The following DCTN6 variants were observed in gnomAD, a reference collection of about 807,000 sequenced individuals.
DCTN6 encodes dynactin 6.
A neutral mutation model predicts 25.8 loss-of-function variants in DCTN6; 15 were observed. The ratio of observed to expected loss-of-function variants is 0.58; its 90% CI spans 0.39 to 0.89. The LOEUF is 0.89. Among genes scored for constraint, DCTN6 ranks in the 40% least tolerant of loss-of-function variants. The pLI is 0.00. For missense variants in DCTN6, 198 were observed against 237.6 expected (o/e 0.83, Z 1.09); for synonymous variants, 64 against 78.3 (o/e 0.82, Z 0.96).
chr8:30,181,830 C>T lies in DCTN6; in HGVS notation c.474+1200C>T, dbSNP rs1396457391. On this transcript the variant is annotated intron_variant, in intron 6 of 6. Transcript: ENST00000221114. ...GCTTGAGCCCAGGAGGTCAGGGCTG[C>T]AGTAAGCTGTTTGTACCACTGCACT... Among the ~76,000 whole-genome samples, 3 of 147,598 alleles carry T rather than the reference C, an allele frequency of 2.0e-5. No homozygotes were observed. The East Asian group carries it at 6.1e-4, about 30-fold the overall frequency.
intron 5 of DCTN6, among the ~76,000 whole-genome samples, chr8:30,180,144 G>C (rs1251374472): frequency 6.6e-6 from 1 of 151,992 alleles, no homozygotes; most frequent in Non-Finnish European, 1.5e-5. Flanking sequence ...TATGCTTACT[G>C]TGTGTCAAAC....
At chr8:30,168,316 A>T (rs187091294) in intron 2 of DCTN6, among the ~76,000 whole-genome samples, 9 of 152,052 alleles carry the variant, frequency 5.9e-5, no homozygotes, top group Admixed American at 3.9e-4. Flanking sequence ...TGTCATTGTT[A>T]TATTTGGTAT....
chr8:30,176,369 A>C (rs1000093106), intron 3 of DCTN6, among the ~76,000 whole-genome samples: 1 of 101,622 alleles, frequency 9.8e-6, no homozygotes, highest in Non-Finnish European at 2.9e-5. Flanking sequence ...CTCTACTGAA[A>C]ATACAAAAAA....
At chr8:30,163,571 G>A (rs926165156) in intron 1 of DCTN6, among the ~76,000 whole-genome samples, 3 of 152,058 alleles carry the variant, frequency 2.0e-5, no homozygotes, top group Admixed American at 1.3e-4. Context: ...GCTATTAAAA[G>A]AAAAGATTCA....
At chr8:30,169,653 A>C (rs1375696596) in intron 2 of DCTN6, among the ~76,000 whole-genome samples, 2 of 152,176 alleles carry the variant, frequency 1.3e-5, no homozygotes, top group Non-Finnish European at 2.9e-5. Flanking sequence ...CTTTAACCTC[A>C]AGACCCTTAA....
In DCTN6 at chr8:30,177,066, G is replaced by A. The variant is rs1027537351; in HGVS notation, c.195-60G>A. On this transcript the variant is annotated intron_variant, in intron 3 of 6. Coordinates refer to ENST00000221114, the MANE Select transcript of DCTN6 (RefSeq NM_006571.4). ...AAGAATTAACCCAAATTCGAAAATG[G>A]GAAGAAAATTGCTTATTGTGTTATT... The A allele has an allele frequency of 5.1e-6, 7 of 1,381,082 alleles. No individual in the cohort carries two copies. The East Asian group carries it at 1.4e-4, about 27-fold the overall frequency. The allele number at this position is 1,381,082 out of a possible 1,614,324, so 85.6% of individuals were successfully genotyped here.
chr8:30,169,939 G>A (rs1803740059), intron 2 of DCTN6, among the ~76,000 whole-genome samples: 1 of 152,192 alleles, frequency 6.6e-6, no homozygotes, highest in Non-Finnish European at 1.5e-5. Context: ...TTGGGAGGCC[G>A]AGTCGAGCGG....
chr8:30,167,691 T>TTTTCTTTC (rs111706788), intron 2 of DCTN6, among the ~76,000 whole-genome samples: 2,418 of 151,622 alleles, frequency 0.016, 64 homozygotes, highest in African/African-American at 0.054. Context: ...TTAACACAGA[T>TTTTCTTTC]TTTCTTTCTT....
chr8:30,174,972 A>G (rs1803811463), intron 2 of DCTN6, 113 bp from the exon 3 acceptor site: 1 of 924,488 alleles, frequency 1.1e-6, no homozygotes, highest in Admixed American at 2.2e-5. Context: ...GGTGCCTGGC[A>G]CATACTTAGA....
At chr8:30,172,263 C>T (rs1276767291) in intron 2 of DCTN6, among the ~76,000 whole-genome samples, 1 of 151,980 alleles carries the variant, frequency 6.6e-6, no homozygotes, top group Non-Finnish European at 1.5e-5. Context: ...AGATACTTTT[C>T]AGCCATTAAA....
intron 1 of DCTN6, among the ~76,000 whole-genome samples, chr8:30,162,059 C>T (rs1803604564): frequency 1.3e-5 from 2 of 149,846 alleles, no homozygotes; most frequent in Admixed American, 6.7e-5. Flanking sequence ...AATATTTTTA[C>T]ATAAGCATTC....
At position 30,183,218 on chromosome 8, in the gene DCTN6, TC is replaced by T; in HGVS notation, c.*46del. On this transcript the variant is annotated 3_prime_UTR_variant, in exon 7 of 7. Transcript: ENST00000221114. The stretch of plus-strand genomic sequence containing the variant: ...GATAACATTTTGTCTTTGACCACTG[TC>T]TTTTGAATGGGCCCACAGTGTTTAT... 6.7e-7 allele frequency: 1 copy of T among 1,485,578 alleles called. No homozygotes were observed. Among genetic ancestry groups the T allele is most frequent in the Non-Finnish European group, 9.4e-7 (1 of 1,066,274 alleles). 92.0% of individuals were successfully genotyped at this position (1,485,578 alleles called of 1,614,324 possible).
intron 2 of DCTN6, among the ~76,000 whole-genome samples, chr8:30,173,731 TAAAAA>T (rs371782984): frequency 3.1e-5 from 3 of 96,048 alleles, no homozygotes; most frequent in Non-Finnish European, 4.6e-5. Context: ...CCCTGTCTCT[TAAAAA>T]AAAAAAAAAA....
chr8:30,179,558 G>C (rs1803886562), intron 5 of DCTN6, 103 bp downstream of exon 5: 1 of 973,640 alleles, frequency 1.0e-6, no homozygotes, highest in Non-Finnish European at 1.5e-6. Flanking sequence ...TGTTGTGCTT[G>C]GAAGTGGGCT....
In DCTN6 at chr8:30,177,278, C is replaced by A. The variant is rs1803848578; in HGVS notation, c.283+64C>A. ...TCTCCTTTAGTACCTAAGTCTTCTC[C>A]TGTAGAAATTGTAAATAATTCCTGG... On this transcript the variant is annotated intron_variant, in intron 4 of 6. Coordinates refer to ENST00000221114, the MANE Select transcript of DCTN6 (RefSeq NM_006571.4). 3 of 1,335,538 alleles carry A rather than the reference C, an allele frequency of 2.2e-6. No homozygotes were observed. The South Asian group carries it at 3.8e-5, about 17-fold the overall frequency. 82.7% of individuals were successfully genotyped at this position (1,335,538 alleles called of 1,614,324 possible).
Position 30,166,554 on chromosome 8 carries a change from G to A in DCTN6, c.88+2379G>A, listed in dbSNP as rs79502487. On this transcript the variant is annotated intron_variant, in intron 2 of 6. Coordinates refer to ENST00000221114, the MANE Select transcript of DCTN6 (RefSeq NM_006571.4). ...TAAATATACACAGGCATTATGTGGT[G>A]GGGGGGGTATGTATTTCAGATTTGA... is the stretch of plus-strand genomic sequence containing the variant. Among the ~76,000 whole-genome samples, 1,460 of 150,678 alleles carry A rather than the reference G, an allele frequency of 9.7e-3. 53 individuals are homozygous for A. Among genetic ancestry groups the A allele is most frequent in the East Asian group, 0.061 (315 of 5,138 alleles).
intron 6 of DCTN6, among the ~76,000 whole-genome samples, chr8:30,182,836 T>C (rs910367058): frequency 3.3e-5 from 5 of 152,014 alleles, no homozygotes; most frequent in African/African-American, 1.2e-4. Context: ...CACCTCAGCC[T>C]CCTGAGTAGC....
chr8:30,156,493 G>T (rs1688080539), intron 1 of DCTN6, 87 bp downstream of exon 1: 1 of 1,485,836 alleles, frequency 6.7e-7, no homozygotes, highest in Admixed American at 2.0e-5. Flanking sequence ...CGACTCAGAA[G>T]GTGTCTCATC....
rs749161523 is a variant in DCTN6 at position 30,164,174 on chromosome 8, C to A, written c.87C>A (p.Ile29=). 1.2e-6 allele frequency: 2 copies of A among 1,607,448 alleles called. No individual in the cohort carries two copies. Among genetic ancestry groups the A allele is most frequent in the South Asian group, 1.1e-5 (1 of 90,920 alleles). Residue 29 remains isoleucine (I), a splice_region_variant and synonymous_variant, in exon 2 of 7, where the codon ATC becomes ATA. Transcript: ENST00000221114. ...VESEIRGDVT[I]GPRTVIHPKA... ...GTGAAATCAGAGGAGATGTAACTATCGGTAAGAAATAGTTTATTTACTGTT... is the reference window on the plus strand; with the variant it reads ...GTGAAATCAGAGGAGATGTAACTATAGGTAAGAAATAGTTTATTTACTGTT...
Sources: allele counts gnomAD v4.1 joint callset (sites outside exome capture counted in the v4.1 genomes callset), GRCh38; gene constraint gnomAD v4.1.1; transcripts MANE v1.5; gene names NCBI Gene and HGNC (gene_info 2026-07-23, HGNC 2026-07-21).